Variants in GATD1 observed in about 807,000 individuals in gnomAD.
GATD1 encodes glutamine amidotransferase-like class 1 domain-containing protein 1.
Under a neutral mutation model 25.9 loss-of-function variants are expected in GATD1, and 23 were observed. That is an observed-to-expected ratio of 0.89 (90% CI 0.64 to 1.26). The LOEUF (loss-of-function observed/expected upper bound fraction) is 1.26. Among genes scored for constraint, GATD1 ranks in the 50% most tolerant of loss-of-function variants. GATD1 has a pLI of 0.00. For missense variants in GATD1, 347 were observed against 312.5 expected (o/e 1.11, Z -0.83); for synonymous variants, 177 against 134.6 (o/e 1.31, Z -2.18).
chr11:775,971 T>C (rs1262816498), intron 1 of GATD1, among the ~76,000 whole-genome samples: 7 of 134,208 alleles, frequency 5.2e-5, no homozygotes, highest in Admixed American at 1.7e-4. Context: ...ATTTTTATCT[T>C]CATTCTTTTT....
intron 5 of GATD1, among the ~76,000 whole-genome samples, chr11:771,717 G>A (rs1167165543): frequency 6.6e-6 from 1 of 152,112 alleles, no homozygotes; most frequent in African/African-American, 2.4e-5. Context: ...GGTGGGGTGA[G>A]CCCCTTGGGC....
At chr11:771,224 C>A (rs1412190943) in intron 6 of GATD1, 109 bp downstream of exon 6, 1 of 1,547,052 alleles carries the variant, frequency 6.5e-7, no homozygotes, top group Admixed American at 2.0e-5. Flanking sequence ...TGAGTCAGTG[C>A]CATGGGGGTC....
At chr11:771,898 G>A (rs1025958708) in intron 5 of GATD1, among the ~76,000 whole-genome samples, 1 of 152,114 alleles carries the variant, frequency 6.6e-6, no homozygotes, top group Non-Finnish European at 1.5e-5. Flanking sequence ...TGAGCTGGGG[G>A]CCAGGCCTGT....
intron 4 of GATD1, 30 bp from the exon 5 acceptor site, chr11:772,551 G>A: frequency 6.3e-7 from 1 of 1,593,790 alleles, no homozygotes; most frequent in Non-Finnish European, 8.5e-7. Context: ...TTGAGGCCCT[G>A]GACCCCGCCA....
chr11:774,471 C>T (rs1345362254), intron 2 of GATD1, among the ~76,000 whole-genome samples: 15 of 152,286 alleles, frequency 9.8e-5, no homozygotes, highest in Non-Finnish European at 1.5e-5. Context: ...ACATGTGCCC[C>T]TCACACCAGG....
chr11:777,382 C>T lies in GATD1; in HGVS notation c.64+17G>A. On this transcript the variant is annotated intron_variant, in intron 1 of 7. Transcript: ENST00000319863. The stretch of plus-strand genomic sequence containing the variant: ...GCGGACGCTCTTCGGACACTGGCCC[C>T]GGCCGCCGGGCCTCACCTTCGGCGG... The T allele has an allele frequency of 7.7e-7, 1 of 1,293,908 alleles. No homozygotes were observed. Among genetic ancestry groups the T allele is most frequent in the South Asian group, 2.1e-5 (1 of 47,540 alleles). The allele number at this position is 1,293,908 out of a possible 1,614,324, so 80.2% of individuals were successfully genotyped here. A position where few individuals can be genotyped will look rare whatever the true frequency, so the allele number is the denominator to read the frequency against.
chr11:771,436 C>T lies in GATD1; in HGVS notation c.451-10G>A, dbSNP rs779454694. The T allele has an allele frequency of 8.6e-6, 13 of 1,519,952 alleles. No homozygotes were observed. Among genetic ancestry groups the T allele is most frequent in the East Asian group, 2.3e-5 (1 of 44,124 alleles). 94.2% of individuals were successfully genotyped at this position (1,519,952 alleles called of 1,614,324 possible). ...GCTCACACACAGAGGGCTGCGGGAG[C>T]GGGGTGGGGGCTCCTGAGACAGGCC... On this transcript the variant is annotated splice_polypyrimidine_tract_variant and intron_variant, in intron 5 of 7. Coordinates refer to ENST00000319863, the MANE Select transcript of GATD1 (RefSeq NM_182612.4).
In GATD1 at chr11:775,614, G is replaced by T. The variant is rs987910728; in HGVS notation, c.65-472C>A. Among the ~76,000 whole-genome samples the T allele has an allele frequency of 5.3e-5, 8 of 152,268 alleles. No homozygotes were observed. The East Asian group carries it at 9.6e-4, about 18-fold the overall frequency. The stretch of plus-strand genomic sequence containing the variant: ...GCTCATCCTCTCACTGAACCACCAG[G>T]GACTCAGGCCCTCAGGCACCATGGA... On this transcript the variant is annotated intron_variant, in intron 1 of 7. Transcript: ENST00000319863.
In GATD1 at chr11:769,758, C is replaced by G. The variant is rs1483238873; in HGVS notation, c.*1139G>C. On this transcript the variant is annotated 3_prime_UTR_variant, in exon 8 of 8. Transcript: ENST00000319863. Reference sequence around the variant, plus strand: ...CCAAGTAGCTGGGACTACACACACCCACCACCATGCCAGGCTAACTTTTTG... The same window carrying G: ...CCAAGTAGCTGGGACTACACACACCGACCACCATGCCAGGCTAACTTTTTG... 4.1e-6 allele frequency: 1 copy of G among 244,922 alleles called. No individual in the cohort carries two copies. The highest frequency in any genetic ancestry group is 6.5e-6 in the Non-Finnish European group (1 of 153,012). 15.2% of individuals were successfully genotyped at this position (244,922 alleles called of 1,614,324 possible).
intron 1 of GATD1, among the ~76,000 whole-genome samples, chr11:776,009 A>C (rs1222713539): frequency 1.1e-5 from 1 of 88,092 alleles, no homozygotes; most frequent in African/African-American, 4.8e-5. Context: ...TTTGAGACGG[A>C]GTCTCGGTCT....
In GATD1 at chr11:770,317, T is replaced by G. The variant is rs1375365157; in HGVS notation, c.*580A>C. ...GGTGCATCACTGAGGTGCTTACACT[T>G]TGAAACCACACGCCAGGAAGATTTC... On this transcript the variant is annotated 3_prime_UTR_variant, in exon 8 of 8. Coordinates refer to ENST00000319863, the MANE Select transcript of GATD1 (RefSeq NM_182612.4). The G allele has an allele frequency of 1.3e-6, 2 of 1,533,400 alleles. No individual in the cohort carries two copies. The highest frequency in any genetic ancestry group is 1.7e-6 in the Non-Finnish European group (2 of 1,145,508). 95.0% of individuals were successfully genotyped at this position (1,533,400 alleles called of 1,614,324 possible). A position where few individuals can be genotyped will look rare whatever the true frequency, so the allele number is the denominator to read the frequency against.
intron 4 of GATD1, 128 bp from the exon 5 acceptor site, chr11:772,649 C>G (rs1863571990): frequency 1.2e-6 from 1 of 810,724 alleles, no homozygotes. Context: ...CCAGGTTTCC[C>G]TGGAAACTGG....
chr11:771,367 C>T lies in GATD1; in HGVS notation c.510G>A (p.Glu170=). ...PGFARLPLVV[E]DFVKDSGACF... The stretch of plus-strand genomic sequence containing the variant: ...AGGCGCCCGAATCCTTCACGAAGTC[C>T]TCCACCACGAGCGGCAGGCGGGCGA... Residue 170 remains glutamate (E), a synonymous_variant, in exon 6 of 8, where the codon GAG becomes GAA. Coordinates refer to ENST00000319863, the MANE Select transcript of GATD1 (RefSeq NM_182612.4). The T allele has an allele frequency of 6.3e-7, 1 of 1,591,820 alleles. No individual in the cohort carries two copies. Among genetic ancestry groups the T allele is most frequent in the Non-Finnish European group, 8.6e-7 (1 of 1,169,110 alleles).
At chr11:775,025 A>T (rs778873971) in intron 2 of GATD1, 41 bp downstream of exon 2, 4 of 1,544,346 alleles carry the variant, frequency 2.6e-6, no homozygotes, top group Non-Finnish European at 3.5e-6. Context: ...AGGTGGAGAC[A>T]GACCCCAAGT....
In GATD1 at chr11:768,893, G is replaced by T. The variant is rs1403407091; in HGVS notation, c.*2004C>A. On this transcript the variant is annotated 3_prime_UTR_variant, in exon 8 of 8. Transcript: ENST00000319863. ...AGGCGGGAGGATCACTTGAGGTCAG[G>T]AGTTCGAGACCAGCCTGGCCAACAT... is the stretch of plus-strand genomic sequence containing the variant. 6.5e-6 allele frequency: 1 copy of T among 153,110 alleles called. No homozygotes were observed. The highest frequency in any genetic ancestry group is 1.9e-4 in the East Asian group (1 of 5,190). 9.5% of individuals were successfully genotyped at this position (153,110 alleles called of 1,614,324 possible).
rs760006083 is a variant in GATD1 at position 777,406 on chromosome 11, G to A, written c.57C>T (p.Ala19=). The A allele has an allele frequency of 1.5e-5, 20 of 1,296,384 alleles. No individual in the cohort carries two copies. In the South Asian group the frequency reaches 4.2e-4, roughly 27 times the overall value. The allele number at this position is 1,296,384 out of a possible 1,614,324, so 80.3% of individuals were successfully genotyped here. ...CCGGCCGCCGGGCCTCACCTTCGGCGGCGCCGCTGGCCACGAGCAGACAGG... is the reference window on the plus strand; with the variant it reads ...CCGGCCGCCGGGCCTCACCTTCGGCAGCGCCGCTGGCCACGAGCAGACAGG... ...RPACLLVASG[A]AEGVSAQSFL... Residue 19 remains alanine (A), a synonymous_variant, in exon 1 of 8, where the codon GCC becomes GCT. Coordinates refer to ENST00000319863, the MANE Select transcript of GATD1 (RefSeq NM_182612.4).
At chr11:771,145 C>T in intron 6 of GATD1, 41 bp from the exon 7 acceptor site, 1 of 1,555,304 alleles carries the variant, frequency 6.4e-7, no homozygotes, top group Non-Finnish European at 8.7e-7. Flanking sequence ...CAATGTCCAC[C>T]TCACCCACTG....
intron 2 of GATD1, among the ~76,000 whole-genome samples, chr11:774,349 T>C (rs1323985719): frequency 6.6e-6 from 1 of 152,218 alleles, no homozygotes; most frequent in Non-Finnish European, 1.5e-5. Context: ...ACATAATAAA[T>C]AAACAAAAAC....
At chr11:773,468 T>A (rs1382983383) in intron 4 of GATD1, 54 bp downstream of exon 4, 2 of 1,434,300 alleles carry the variant, frequency 1.4e-6, no homozygotes, top group African/African-American at 2.8e-5. Context: ...GGGAGACCCA[T>A]TTCTTGTGAC....
Sources: allele counts gnomAD v4.1 joint callset (sites outside exome capture counted in the v4.1 genomes callset), GRCh38; gene constraint gnomAD v4.1.1; transcripts MANE v1.5; gene names NCBI Gene and HGNC (gene_info 2026-07-23, HGNC 2026-07-21).